Variants in HMGXB3 observed in about 807,000 individuals in gnomAD.
The protein encoded by HMGXB3 is HMG-box containing 3, also known as HMG domain-containing protein 3.
HMGXB3 carries 45 observed loss-of-function variants against 121.5 expected under a neutral mutation model. That is an observed-to-expected ratio of 0.37 (90% CI 0.29 to 0.47). The LOEUF (loss-of-function observed/expected upper bound fraction) is 0.47, where lower values mean the gene tolerates loss of function less well. HMGXB3 is among the 20% of genes least tolerant of loss of function. HMGXB3 has a pLI of 0.99. For missense variants in HMGXB3, 1,376 were observed against 1,602.2 expected (o/e 0.86, Z 2.41); for synonymous variants, 590 against 624.1 (o/e 0.95, Z 0.81).
In HMGXB3 at chr5:150,041,833, G is replaced by A. The variant is rs1280702021; in HGVS notation, c.2594G>A (p.Cys865Tyr). 6.4e-7 allele frequency: 1 copy of A among 1,551,668 alleles called. No homozygotes were observed. The highest frequency in any genetic ancestry group is 1.2e-5 in the South Asian group (1 of 84,048). The change falls in exon 15 of 20, where the codon TGC becomes TAC. Residue 865 changes from cysteine (C) to tyrosine (Y), a missense_variant. This residue lies in a region of HMGXB3 where 1,116 missense variants were observed against 1,369.0 expected (regional missense o/e 0.82). Coordinates refer to ENST00000502717, the MANE Select transcript of HMGXB3 (RefSeq NM_014983.3). Reference protein sequence around the residue: ...EELSQLQELLCNGYWAFECLT... With the variant: ...EELSQLQELLYNGYWAFECLT... The stretch of plus-strand genomic sequence containing the variant: ...CTGAGCCAGCTGCAGGAGCTGCTGT[G>A]CAATGGCTATTGGGCCTTTGAGTGC...
At chr5:150,047,458 C>G in intron 16 of HMGXB3, 166 bp from the exon 17 acceptor site, 1 of 725,760 alleles carries the variant, frequency 1.4e-6, no homozygotes, top group Non-Finnish European at 2.2e-6. Context: ...TAATAGACTT[C>G]AAATATCTGC....
intron 2 of HMGXB3, among the ~76,000 whole-genome samples, chr5:150,005,467 C>T (rs182766164): frequency 9.7e-4 from 148 of 151,834 alleles, no homozygotes; most frequent in Non-Finnish European, 1.8e-3. Context: ...GGCGTGGTGG[C>T]GCACACCTGT....
intron 9 of HMGXB3, among the ~76,000 whole-genome samples, chr5:150,028,497 A>ATGTGTGTG (rs1163846771): frequency 1.5e-4 from 10 of 66,456 alleles, no homozygotes; most frequent in South Asian, 1.2e-3. Context: ...ATGTATATAT[A>ATGTGTGTG]TGTATGTATG....
intron 16 of HMGXB3, among the ~76,000 whole-genome samples, chr5:150,047,014 T>TG (rs1756772729): frequency 6.6e-6 from 1 of 151,158 alleles, no homozygotes; most frequent in Admixed American, 6.6e-5. Context: ...CCTCCCAAGT[T>TG]GCTGAGACTA....
chr5:150,052,910 G>A lies in HMGXB3; in HGVS notation c.*718G>A, dbSNP rs1470427867. 1 of 152,624 alleles carries A rather than the reference G, an allele frequency of 6.6e-6. No individual in the cohort carries two copies. Among genetic ancestry groups the A allele is most frequent in the South Asian group, 2.1e-4 (1 of 4,834 alleles). 9.5% of individuals were successfully genotyped at this position (152,624 alleles called of 1,614,324 possible). On this transcript the variant is annotated 3_prime_UTR_variant, in exon 20 of 20. Coordinates refer to ENST00000502717, the MANE Select transcript of HMGXB3 (RefSeq NM_014983.3). ...TGGGCCTGGGACCCTCTCCACAGAG[G>A]GGATGTGGTCCCTGGTCATGACATA...
rs1399867165 is a variant in HMGXB3 at position 150,006,656 on chromosome 5, T to G, written c.312+9T>G. 6.5e-7 allele frequency: 1 copy of G among 1,531,976 alleles called. No individual in the cohort carries two copies. The highest frequency in any genetic ancestry group is 8.8e-7 in the Non-Finnish European group (1 of 1,134,502). 94.9% of individuals were successfully genotyped at this position (1,531,976 alleles called of 1,614,324 possible). The stretch of plus-strand genomic sequence containing the variant: ...AGGAAGGTTTGGATCCTGTAAGTAA[T>G]TTTTTTTTCCAGCTATTTTTTCCAC... On this transcript the variant is annotated intron_variant, in intron 3 of 19. Coordinates refer to ENST00000502717, the MANE Select transcript of HMGXB3 (RefSeq NM_014983.3).
At chr5:150,021,983 A>AGCAGGAGCGG (rs1051880901) in intron 6 of HMGXB3, 32 of 415,012 alleles carry the variant, frequency 7.7e-5, no homozygotes, top group Non-Finnish European at 1.1e-4. Context: ...GTGAGTCAGG[A>AGCAGGAGCGG]GCAGGAGCGG....
chr5:150,020,908 T>C (rs1326188538), intron 6 of HMGXB3, among the ~76,000 whole-genome samples: 1 of 151,918 alleles, frequency 6.6e-6, no homozygotes, highest in African/African-American at 2.4e-5. Flanking sequence ...GCCAGCTAGG[T>C]TTTTTTGTAT....
At chr5:150,049,405 C>T (rs1257332246) in intron 18 of HMGXB3, among the ~76,000 whole-genome samples, 8 of 103,390 alleles carry the variant, frequency 7.7e-5, no homozygotes, top group African/African-American at 1.8e-4. Context: ...GATCTTGGAA[C>T]GGAAACCCCC....
chr5:150,003,076 G>A (rs1379647826), intron 1 of HMGXB3, among the ~76,000 whole-genome samples: 1 of 152,218 alleles, frequency 6.6e-6, no homozygotes, highest in Non-Finnish European at 1.5e-5. Flanking sequence ...CTGGGAGGTG[G>A]AGACTGCAGT....
Position 150,051,817 on chromosome 5 carries a change from C to A in HMGXB3, c.3504C>A (p.Ala1168=). 1 of 1,549,060 alleles carries A rather than the reference C, an allele frequency of 6.5e-7. No homozygotes were observed. ...TCCAGCACCCAGTCACCAAGACTGC[C>A]ACGCGGCGCATCGTCCATGCAGGCC... ...HSIQHPVTKT[A]TRRIVHAGLQ... The change falls in exon 20 of 20, where the codon GCC becomes GCA. Residue 1168 remains alanine (A), a synonymous_variant. Transcript: ENST00000502717.
chr5:150,010,030 T>C, intron 3 of HMGXB3, 81 bp from the exon 4 acceptor site: 7 of 1,378,348 alleles, frequency 5.1e-6, no homozygotes, highest in Non-Finnish European at 6.8e-6. Context: ...CTTACACATA[T>C]ATATATATCT....
intron 6 of HMGXB3, chr5:150,022,031 A>C (rs1181652705): frequency 6.1e-6 from 2 of 329,434 alleles, no homozygotes; most frequent in African/African-American, 2.2e-5. Context: ...ACCACCTATG[A>C]CTGTGTCTTC....
intron 4 of HMGXB3, among the ~76,000 whole-genome samples, chr5:150,011,794 T>G (rs1023271185): frequency 2.0e-5 from 3 of 151,452 alleles, no homozygotes; most frequent in African/African-American, 4.9e-5. Flanking sequence ...TTTTTTTTAG[T>G]AGACATAGGG....
Position 150,032,525 on chromosome 5 carries a change from C to T in HMGXB3, c.1905C>T (p.Asn635=), listed in dbSNP as rs1346273497. ...KNPSCSYVYT[N]RHKPRICPSC... ...CCTCTTGTAGCTATGTCTACACCAA[C>T]AGGCACAAACCTCGAATTTGTCCCA... is the stretch of plus-strand genomic sequence containing the variant. Residue 635 remains asparagine, a synonymous_variant, in exon 11 of 20, where the codon AAC becomes AAT. Coordinates refer to ENST00000502717, the MANE Select transcript of HMGXB3 (RefSeq NM_014983.3). 2.6e-6 allele frequency: 4 copies of T among 1,552,044 alleles called. No individual in the cohort carries two copies. The highest frequency in any genetic ancestry group is 3.5e-6 in the Non-Finnish European group (4 of 1,147,026).
chr5:150,004,747 A>G, intron 1 of HMGXB3, 104 bp from the exon 2 acceptor site: 1 of 735,838 alleles, frequency 1.4e-6, no homozygotes, highest in Non-Finnish European at 2.2e-6. Flanking sequence ...GGAAATGTCT[A>G]AGCCTTAAGG....
At chr5:150,024,201 G>A in intron 6 of HMGXB3, 61 bp from the exon 7 acceptor site, 1 of 1,290,144 alleles carries the variant, frequency 7.8e-7, no homozygotes, top group Non-Finnish European at 1.0e-6. Flanking sequence ...ATGAGAGAAT[G>A]TTTGTGAATG....
rs374902386 is a variant in HMGXB3 at position 150,051,917 on chromosome 5, A to G, written c.3604A>G (p.Thr1202Ala). The G allele has an allele frequency of 1.3e-6, 2 of 1,552,116 alleles. No individual in the cohort carries two copies. Among genetic ancestry groups the G allele is most frequent in the Non-Finnish European group, 1.7e-6 (2 of 1,147,108 alleles). ...GTGCCCTGAATTGGCACCTTACGCA[A>G]CCATCCTGGCCTCCATCGTGGACAG... ...ALCPELAPYA[T>A]ILASIVDSKP... Residue 1202 changes from threonine to alanine, a missense_variant, in exon 20 of 20, where the codon ACC (threonine) becomes GCC (alanine). Coordinates refer to ENST00000502717, the MANE Select transcript of HMGXB3 (RefSeq NM_014983.3).
chr5:150,047,527 CAG>C, intron 16 of HMGXB3, 95 bp from the exon 17 acceptor site: 2 of 1,429,914 alleles, frequency 1.4e-6, no homozygotes, highest in Non-Finnish European at 1.9e-6. Flanking sequence ...GGGCTTGGTG[CAG>C]AGCTGGCTTC....
Sources: allele counts gnomAD v4.1 joint callset (sites outside exome capture counted in the v4.1 genomes callset), GRCh38; gene constraint gnomAD v4.1.1; regional missense constraint gnomAD v4.1.1; transcripts MANE v1.5; gene names NCBI Gene and HGNC (gene_info 2026-07-23, HGNC 2026-07-21).